Variants in AGBL1 observed in about 807,000 individuals in gnomAD.
The protein encoded by AGBL1 is AGBL carboxypeptidase 1.
A neutral mutation model predicts 118.9 loss-of-function variants in AGBL1; 130 were observed. The ratio of observed to expected loss-of-function variants is 1.09; its 90% CI spans 0.95 to 1.26. AGBL1 has a LOEUF of 1.26. AGBL1 is among the 50% of genes most tolerant of loss of function. The probability of loss-of-function intolerance (pLI) is 0.00; values close to 1 mark genes in which losing one functional copy is unlikely to be tolerated. For missense variants in AGBL1, 1,584 were observed against 1,298.1 expected (o/e 1.22, Z -3.38); for synonymous variants, 555 against 478.9 (o/e 1.16, Z -2.08).
At chr15:86,942,877 TATCTC>T (rs2080772081) in intron 23 of AGBL1, among the ~76,000 whole-genome samples, 1 of 152,238 alleles carries the variant, frequency 6.6e-6, no homozygotes, top group African/African-American at 2.4e-5. Flanking sequence ...TAGTTGCTAA[TATCTC>T]AGTAACAACT....
intron 1 of AGBL1, among the ~76,000 whole-genome samples, chr15:86,099,235 A>G (rs1896566538): frequency 6.6e-6 from 1 of 152,228 alleles, no homozygotes; most frequent in South Asian, 2.1e-4. Context: ...TAAAAATCAG[A>G]ACAGAGATAA....
chr15:86,891,194 T>C (rs2080047181), intron 22 of AGBL1, among the ~76,000 whole-genome samples: 1 of 152,132 alleles, frequency 6.6e-6, no homozygotes, highest in South Asian at 2.1e-4. Flanking sequence ...TTGCCTGTTG[T>C]TGGTGTATAG....
intron 15 of AGBL1, among the ~76,000 whole-genome samples, chr15:86,273,138 G>T (rs924000118): frequency 2.7e-5 from 3 of 109,764 alleles, no homozygotes; most frequent in African/African-American, 1.3e-4. Context: ...TTCCTAATGG[G>T]ATATATAAAT....
intron 23 of AGBL1, among the ~76,000 whole-genome samples, chr15:86,923,195 G>A (rs1049088122): frequency 1.3e-5 from 2 of 152,206 alleles, no homozygotes; most frequent in Non-Finnish European, 2.9e-5. Flanking sequence ...AATAGGCAGA[G>A]TGGGTAAACA....
intron 20 of AGBL1, among the ~76,000 whole-genome samples, chr15:86,549,112 GC>G (rs1164048684): frequency 6.6e-6 from 1 of 152,008 alleles, no homozygotes; most frequent in Non-Finnish European, 1.5e-5. Context: ...CTCCTACCAG[GC>G]CCCACCTCTA....
chr15:86,585,780 G>A (rs2084238894), intron 21 of AGBL1, among the ~76,000 whole-genome samples: 1 of 152,152 alleles, frequency 6.6e-6, no homozygotes, highest in Non-Finnish European at 1.5e-5. Flanking sequence ...GTCATCACTT[G>A]GTTATTTAAG....
chr15:86,737,515 T>C (rs1435470735), intron 22 of AGBL1, among the ~76,000 whole-genome samples: 1 of 152,168 alleles, frequency 6.6e-6, no homozygotes, highest in Non-Finnish European at 1.5e-5. Flanking sequence ...GCCTATGATA[T>C]CTCGGCTTGT....
chr15:86,700,651 G>A (rs569169041), intron 22 of AGBL1, among the ~76,000 whole-genome samples: 1 of 151,956 alleles, frequency 6.6e-6, no homozygotes, highest in Non-Finnish European at 1.5e-5. Flanking sequence ...TGAAAATTAG[G>A]ACCAAAAAAT....
intron 23 of AGBL1, among the ~76,000 whole-genome samples, chr15:86,924,647 G>T (rs2080512579): frequency 6.6e-6 from 1 of 152,164 alleles, no homozygotes; most frequent in African/African-American, 2.4e-5. Flanking sequence ...TTGTGGTGGG[G>T]AAGGTACCAC....
At chr15:86,935,761 C>G (rs914252947) in intron 23 of AGBL1, among the ~76,000 whole-genome samples, 3 of 152,166 alleles carry the variant, frequency 2.0e-5, no homozygotes, top group Admixed American at 2.0e-4. Flanking sequence ...GCAAAGAGAG[C>G]CGCACTGAGG....
intron 5 of AGBL1, among the ~76,000 whole-genome samples, chr15:86,172,551 C>CA (rs2077430474): frequency 2.0e-5 from 3 of 152,296 alleles, no homozygotes; most frequent in African/African-American, 7.2e-5. Context: ...CTTTCATCCC[C>CA]ATGAGATCAA....
chr15:86,578,326 C>T (rs913127121), intron 21 of AGBL1, among the ~76,000 whole-genome samples: 1 of 152,162 alleles, frequency 6.6e-6, no homozygotes, highest in African/African-American at 2.4e-5. Context: ...CCAATTTCTC[C>T]CATTTAGAAT....
At chr15:86,351,380 A>C (rs980296063) in intron 17 of AGBL1, among the ~76,000 whole-genome samples, 1 of 152,164 alleles carries the variant, frequency 6.6e-6, no homozygotes, top group Non-Finnish European at 1.5e-5. Flanking sequence ...CATAGCAATT[A>C]AACATAAATA....
At chr15:86,478,685 C>T (rs1395539538) in intron 18 of AGBL1, among the ~76,000 whole-genome samples, 1 of 152,112 alleles carries the variant, frequency 6.6e-6, no homozygotes, top group South Asian at 2.1e-4. Context: ...TCAATGCCAT[C>T]CCCATCAAGC....
intron 22 of AGBL1, among the ~76,000 whole-genome samples, chr15:86,897,764 C>CTTTTTTTTTTTTTTTTTTT (rs71460231): frequency 3.7e-5 from 3 of 80,622 alleles, no homozygotes; most frequent in Admixed American, 1.7e-4. Flanking sequence ...CATCTTTTAT[C>CTTTTTTTTTTTTTTTTTTT]TTTTTTTTTT....
At chr15:86,685,470 A>T (rs1045861229) in intron 22 of AGBL1, among the ~76,000 whole-genome samples, 1 of 152,170 alleles carries the variant, frequency 6.6e-6, no homozygotes, top group African/African-American at 2.4e-5. Flanking sequence ...ATGACTTAGC[A>T]TTCATCATTT....
intron 18 of AGBL1, among the ~76,000 whole-genome samples, chr15:86,440,511 T>TAATAATAATAATAATA (rs1260737618): frequency 6.6e-6 from 1 of 150,986 alleles, no homozygotes; most frequent in Non-Finnish European, 1.5e-5. Flanking sequence ...ATAATAATAA[T>TAATAATAATAATAATA]AACAGTTAAT....
chr15:86,441,067 C>T (rs887325480), intron 18 of AGBL1, among the ~76,000 whole-genome samples: 1 of 152,154 alleles, frequency 6.6e-6, no homozygotes, highest in South Asian at 2.1e-4. Flanking sequence ...CAGAAACCAT[C>T]CATTCTACTA....
In AGBL1 at chr15:86,718,086, AC is replaced by A. The variant is rs545709982; in HGVS notation, c.3158+43651del. ...GGCAATGGAGCAGGACCCCATCTAA[AC>A]AAAAAAATTATTATAGAAACAGGAG... On this transcript the variant is annotated intron_variant, in intron 22 of 22. Transcript: ENST00000614907. 2.7e-3 allele frequency among the ~76,000 whole-genome samples: 412 copies of A among 152,290 alleles called. 1 individual carries two copies. Among genetic ancestry groups the A allele is most frequent in the African/African-American group, 9.3e-3 (387 of 41,562 alleles).
Sources: allele counts gnomAD v4.1 joint callset (sites outside exome capture counted in the v4.1 genomes callset), GRCh38; gene constraint gnomAD v4.1.1; transcripts MANE v1.5; gene names NCBI Gene and HGNC (gene_info 2026-07-23, HGNC 2026-07-21).